The following HSD17B3 variants were observed in gnomAD, a reference collection of about 807,000 sequenced individuals.
HSD17B3 encodes the protein hydroxysteroid 17-beta dehydrogenase 3.
Under a neutral mutation model 41.1 loss-of-function variants are expected in HSD17B3, and 29 were observed. That is an observed-to-expected ratio of 0.71 (90% CI 0.53 to 0.96). The LOEUF (loss-of-function observed/expected upper bound fraction) is 0.96, where lower values mean the gene tolerates loss of function less well. Ranked by LOEUF, HSD17B3 falls within the 40% of genes least tolerant of loss-of-function variation. The probability of loss-of-function intolerance (pLI) is 0.00; values close to 1 mark genes in which losing one functional copy is unlikely to be tolerated. For missense variants in HSD17B3, 323 were observed against 374.6 expected (o/e 0.86, Z 1.14); for synonymous variants, 126 against 145.6 (o/e 0.87, Z 0.97).
At chr9:96,288,557 G>T (rs1439753010) in intron 2 of HSD17B3, among the ~76,000 whole-genome samples, 1 of 152,018 alleles carries the variant, frequency 6.6e-6, no homozygotes, top group Non-Finnish European at 1.5e-5. Context: ...GAGGCAGGAG[G>T]ATCACTTGAG....
intron 9 of HSD17B3, among the ~76,000 whole-genome samples, chr9:96,243,780 T>C (rs2130710913): frequency 6.6e-6 from 1 of 152,306 alleles, no homozygotes; most frequent in East Asian, 1.9e-4. Flanking sequence ...ATCTCCACGA[T>C]GACCTGTGGA....
intron 2 of HSD17B3, among the ~76,000 whole-genome samples, chr9:96,272,528 A>G (rs1587758354): frequency 6.9e-6 from 1 of 145,966 alleles, no homozygotes; most frequent in African/African-American, 2.5e-5. Flanking sequence ...ATGAGATATC[A>G]CTACACAACC....
rs1039163597 is a variant in HSD17B3 at position 96,263,563 on chromosome 9, A to G, written c.202-8620T>C. 7.2e-5 allele frequency among the ~76,000 whole-genome samples: 11 copies of G among 151,864 alleles called. No homozygotes were observed. The South Asian group carries it at 1.9e-3, about 26-fold the overall frequency. On this transcript the variant is annotated intron_variant, in intron 2 of 10. Coordinates refer to ENST00000375263, the MANE Select transcript of HSD17B3 (RefSeq NM_000197.2). The stretch of plus-strand genomic sequence containing the variant: ...AAACCCCGTCTCTACTAAAAAAAAA[A>G]AAGAAAAAAAAATCAAAAAGCCAGG...
At chr9:96,300,203 C>T (rs954846124) in intron 1 of HSD17B3, among the ~76,000 whole-genome samples, 1 of 133,240 alleles carries the variant, frequency 7.5e-6, no homozygotes, top group Non-Finnish European at 1.5e-5. Context: ...CATAATACCC[C>T]AAGAGGACAC....
intron 2 of HSD17B3, among the ~76,000 whole-genome samples, chr9:96,292,407 C>T (rs1399237939): frequency 6.6e-6 from 1 of 152,154 alleles, no homozygotes; most frequent in Admixed American, 6.5e-5. Flanking sequence ...ACTCTTGTCA[C>T]CTAAGCTGGA....
chr9:96,296,663 T>C (rs1827370946), intron 2 of HSD17B3, among the ~76,000 whole-genome samples: 2 of 151,868 alleles, frequency 1.3e-5, no homozygotes, highest in Admixed American at 1.3e-4. Context: ...TGAAGAAAAA[T>C]TCAGAAAAAA....
At chr9:96,249,448 T>C in intron 6 of HSD17B3, 1 of 373,860 alleles carries the variant, frequency 2.7e-6, no homozygotes, top group South Asian at 5.3e-5. Flanking sequence ...ATACTAATTT[T>C]TTTTAGAATT....
At chr9:96,277,224 T>G (rs2130771341) in intron 2 of HSD17B3, among the ~76,000 whole-genome samples, 1 of 148,002 alleles carries the variant, frequency 6.8e-6, no homozygotes, top group South Asian at 2.1e-4. Context: ...AGAAAATGCA[T>G]CAAACTAAAA....
chr9:96,240,812 C>A lies in HSD17B3; in HGVS notation c.768G>T (p.Leu256Phe). The change falls in exon 10 of 11, where the codon TTG (leucine) becomes TTT (phenylalanine). Residue 256 changes from leucine to phenylalanine, a missense_variant. Coordinates refer to ENST00000375263, the MANE Select transcript of HSD17B3 (RefSeq NM_000197.2). ...KTADEFVKESLNYVTIGGETC... is the reference protein window; with the variant it reads ...KTADEFVKESFNYVTIGGETC... Reference sequence around the variant, plus strand: ...TTTCACCTCCAATTGTGACATAATTCAATGACTCTTTGACAAACTCATCAG... The same window carrying A: ...TTTCACCTCCAATTGTGACATAATTAAATGACTCTTTGACAAACTCATCAG... 1 of 1,614,218 alleles carries A rather than the reference C, an allele frequency of 6.2e-7. No homozygotes were observed. Among genetic ancestry groups the A allele is most frequent in the Non-Finnish European group, 8.5e-7 (1 of 1,180,034 alleles).
At chr9:96,290,260 C>T (rs1197424907) in intron 2 of HSD17B3, among the ~76,000 whole-genome samples, 1 of 151,982 alleles carries the variant, frequency 6.6e-6, no homozygotes, top group Non-Finnish European at 1.5e-5. Flanking sequence ...AATGTAAACG[C>T]AGATTCGGTT....
Position 96,252,814 on chromosome 9 carries a change from A to G in HSD17B3, c.374T>C (p.Ile125Thr), listed in dbSNP as rs1158599463. 1 of 1,603,778 alleles carries G rather than the reference A, an allele frequency of 6.2e-7. No individual in the cohort carries two copies. The highest frequency in any genetic ancestry group is 8.5e-7 in the Non-Finnish European group (1 of 1,170,660). Residue 125 changes from isoleucine to threonine, a missense_variant, in exon 4 of 11, where the codon ATT (isoleucine) becomes ACT (threonine). Coordinates refer to ENST00000375263, the MANE Select transcript of HSD17B3 (RefSeq NM_000197.2). ...TGCAATTTACTCACCTAAAATTCCA[A>G]TTTCTAAGCCTGCAAGTTTTTCTTT... ...HIKEKLAGLE[I>T]GILVNNVGML...
rs565364413 is a variant in HSD17B3 at position 96,263,321 on chromosome 9, C to T, written c.202-8378G>A. ...CTGTTTTTTCCATCTAGTGGCTGCA[C>T]TCTTCAACACAAAGCCTACACTGGT... On this transcript the variant is annotated intron_variant, in intron 2 of 10. Coordinates refer to ENST00000375263, the MANE Select transcript of HSD17B3 (RefSeq NM_000197.2). 1.4e-4 allele frequency among the ~76,000 whole-genome samples: 22 copies of T among 152,220 alleles called. 1 individual carries two copies. In the South Asian group the frequency reaches 4.1e-3, roughly 29 times the overall value.
At chr9:96,235,649 AT>A in intron 10 of HSD17B3, 79 bp from the exon 11 acceptor site, 3 of 1,170,848 alleles carry the variant, frequency 2.6e-6, no homozygotes, top group Non-Finnish European at 3.7e-6. Context: ...CTTTAAAAAT[AT>A]TTTTTTCTGA....
At position 96,247,646 on chromosome 9, in the gene HSD17B3, C is replaced by T. The variant is rs148657660; in HGVS notation, c.490-1056G>A. Among the ~76,000 whole-genome samples the T allele has an allele frequency of 2.9e-3, 438 of 152,302 alleles. 1 individual carries two copies. The highest frequency in any genetic ancestry group is 0.01 in the African/African-American group (417 of 41,572). ...GGCGAGATAGTGTCAGACCGCTTTCCGTGAATGACTTCATAGGGATATTAT... is the reference window on the plus strand; with the variant it reads ...GGCGAGATAGTGTCAGACCGCTTTCTGTGAATGACTTCATAGGGATATTAT... On this transcript the variant is annotated intron_variant, in intron 6 of 10. Coordinates refer to ENST00000375263, the MANE Select transcript of HSD17B3 (RefSeq NM_000197.2).
chr9:96,255,851 C>T (rs1825631128), intron 2 of HSD17B3, among the ~76,000 whole-genome samples: 1 of 152,132 alleles, frequency 6.6e-6, no homozygotes, highest in South Asian at 2.1e-4. Context: ...ATCAGCAGGG[C>T]GGCCCTGCAG....
At chr9:96,240,575 G>T (rs1306206159) in intron 10 of HSD17B3, among the ~76,000 whole-genome samples, 183 bp downstream of exon 10, 1 of 152,128 alleles carries the variant, frequency 6.6e-6, no homozygotes, top group Non-Finnish European at 1.5e-5. Context: ...CAACTTCGGG[G>T]TTATCTAGTG....
chr9:96,280,051 G>A (rs543388834), intron 2 of HSD17B3, among the ~76,000 whole-genome samples: 1 of 152,274 alleles, frequency 6.6e-6, no homozygotes, highest in African/African-American at 2.4e-5. Flanking sequence ...CTACAGGCGT[G>A]AGCCACTGTG....
At chr9:96,296,813 AG>A (rs910252056) in intron 2 of HSD17B3, among the ~76,000 whole-genome samples, 5 of 152,190 alleles carry the variant, frequency 3.3e-5, no homozygotes, top group African/African-American at 1.2e-4. Context: ...AGGCCAAAGC[AG>A]GCAGATAACT....
intron 2 of HSD17B3, among the ~76,000 whole-genome samples, chr9:96,259,629 G>A (rs1218587838): frequency 2.0e-5 from 3 of 152,000 alleles, no homozygotes; most frequent in Admixed American, 2.0e-4. Flanking sequence ...GCTGAGGCAG[G>A]AGAATTACTT....
Sources: gnomAD v4.1 joint callset for allele counts (sites outside exome capture counted in the v4.1 genomes callset) on GRCh38, gnomAD v4.1.1 for gene constraint, MANE v1.5 for transcripts, NCBI Gene and HGNC (gene_info 2026-07-23, HGNC 2026-07-21) for gene names.